The following NCKAP5 variants were observed in gnomAD, a reference collection of about 807,000 sequenced individuals.
NCKAP5 encodes nck-associated protein 5.
In NCKAP5, 92 loss-of-function variants were observed where a neutral mutation model predicts 167.0. The observed-to-expected ratio is 0.55, with a 90% CI of 0.47 to 0.66. NCKAP5 has a LOEUF of 0.66. Among genes scored for constraint, NCKAP5 ranks in the 30% least tolerant of loss-of-function variants. NCKAP5 has a pLI of 0.00. For missense variants in NCKAP5, 2,378 were observed against 2,315.0 expected (o/e 1.03, Z -0.56); for synonymous variants, 891 against 877.4 (o/e 1.02, Z -0.27).
At chr2:132,905,450 A>G (rs532686550) in intron 8 of NCKAP5, among the ~76,000 whole-genome samples, 2 of 152,180 alleles carry the variant, frequency 1.3e-5, no homozygotes, top group Non-Finnish European at 2.9e-5. Context: ...ATTGTTCTAC[A>G]TGAACTATAG....
chr2:133,359,968 A>G (rs1276515321), intron 3 of NCKAP5, among the ~76,000 whole-genome samples: 1 of 152,210 alleles, frequency 6.6e-6, no homozygotes, highest in Non-Finnish European at 1.5e-5. Context: ...GTCAAAGGCA[A>G]TTCAGACTAA....
chr2:133,256,253 T>C (rs2088612989), intron 4 of NCKAP5, among the ~76,000 whole-genome samples: 2 of 152,124 alleles, frequency 1.3e-5, no homozygotes, highest in South Asian at 4.1e-4. Context: ...ATTGAACAAA[T>C]AGGAGCCTTA....
chr2:133,642,951 T>G, the NCKAP5 span, among the ~76,000 whole-genome samples: 2 of 152,194 alleles, frequency 1.3e-5, no homozygotes, highest in African/African-American at 2.4e-5. Context: ...TAGATTACTT[T>G]GAGGAAGAAT....
At chr2:133,009,044 G>A (rs77160757) in intron 6 of NCKAP5, among the ~76,000 whole-genome samples, 1,628 of 152,236 alleles carry the variant, frequency 0.011, 29 homozygotes, top group African/African-American at 0.037. Context: ...CCTTAGTCCT[G>A]AAATATGTTT....
intron 19 of NCKAP5, among the ~76,000 whole-genome samples, chr2:132,696,008 C>T (rs1264092005): frequency 6.6e-6 from 1 of 152,048 alleles, no homozygotes; most frequent in Non-Finnish European, 1.5e-5. Flanking sequence ...TTGGCTTCAC[C>T]CAACACAAGG....
intron 9 of NCKAP5, among the ~76,000 whole-genome samples, chr2:132,870,484 T>C (rs374977167): frequency 2.0e-4 from 30 of 152,206 alleles, no homozygotes; most frequent in African/African-American, 7.0e-4. Context: ...TTATCCAATA[T>C]AAATTTTCTG....
chr2:132,833,058 A>T (rs1687630849), intron 11 of NCKAP5, among the ~76,000 whole-genome samples: 1 of 152,042 alleles, frequency 6.6e-6, no homozygotes, highest in African/African-American at 2.4e-5. Context: ...TGCCTTATTA[A>T]TAATAGTAAC....
chr2:133,077,465 A>C (rs1331076562), intron 6 of NCKAP5, among the ~76,000 whole-genome samples: 1 of 152,194 alleles, frequency 6.6e-6, no homozygotes, highest in Non-Finnish European at 1.5e-5. Flanking sequence ...GTCATTTCAC[A>C]ACTTCACATG....
At chr2:133,672,627 C>T in the NCKAP5 span, among the ~76,000 whole-genome samples, 30 of 152,222 alleles carry the variant, frequency 2.0e-4, no homozygotes, top group Non-Finnish European at 3.7e-4. Context: ...TTTTCAGGGC[C>T]ATAGAGTCTC....
chr2:133,267,568 A>G (rs2089303934), intron 4 of NCKAP5: 1 of 152,218 alleles, frequency 6.6e-6, no homozygotes, highest in Non-Finnish European at 1.5e-5. Context: ...TCCTGTTGGC[A>G]TTTCCAGAGA....
At chr2:133,005,394 G>T (rs138080260) in intron 6 of NCKAP5, among the ~76,000 whole-genome samples, 1 of 152,050 alleles carries the variant, frequency 6.6e-6, no homozygotes, top group African/African-American at 2.4e-5. Flanking sequence ...CCCTGATCCC[G>T]CAACAATTAT....
chr2:133,429,327 T>C (rs1471577265), intron 3 of NCKAP5, among the ~76,000 whole-genome samples: 2 of 152,132 alleles, frequency 1.3e-5, no homozygotes, highest in Non-Finnish European at 1.5e-5. Context: ...TTTGGATTCA[T>C]GCAGTACATG....
intron 16 of NCKAP5, among the ~76,000 whole-genome samples, chr2:132,769,237 T>C (rs1376780262): frequency 6.6e-6 from 1 of 152,136 alleles, no homozygotes; most frequent in Non-Finnish European, 1.5e-5. Flanking sequence ...GATCAGCCAC[T>C]ACGCCGGGCC....
chr2:133,073,999 C>G (rs2080510700), intron 6 of NCKAP5, among the ~76,000 whole-genome samples: 1 of 152,138 alleles, frequency 6.6e-6, no homozygotes, highest in Admixed American at 6.5e-5. Flanking sequence ...CTTCCCAAAA[C>G]CTTACCAGTG....
intron 8 of NCKAP5, among the ~76,000 whole-genome samples, chr2:132,900,933 T>C (rs1027901925): frequency 1.7e-5 from 2 of 118,854 alleles, no homozygotes; most frequent in Non-Finnish European, 3.2e-5. Flanking sequence ...GTCACTGCAC[T>C]CCAGACCGGG....
intron 3 of NCKAP5, among the ~76,000 whole-genome samples, chr2:133,322,434 A>C (rs1184775755): frequency 6.6e-6 from 1 of 152,304 alleles, no homozygotes; most frequent in East Asian, 1.9e-4. Flanking sequence ...TTTACATGAT[A>C]CTTTATTTTC....
chr2:133,015,235 T>C (rs1346200040), intron 6 of NCKAP5, among the ~76,000 whole-genome samples: 2 of 152,170 alleles, frequency 1.3e-5, no homozygotes, highest in African/African-American at 2.4e-5. Context: ...CATGAAGAAA[T>C]GTGCTGCTTA....
intron 4 of NCKAP5, among the ~76,000 whole-genome samples, chr2:133,294,034 A>G (rs1370983573): frequency 6.6e-6 from 1 of 152,200 alleles, no homozygotes; most frequent in East Asian, 1.9e-4. Flanking sequence ...GCTGTTATTG[A>G]GTTGGCATAG....
At chr2:132,788,612 T>C (rs1406672263) in intron 13 of NCKAP5, among the ~76,000 whole-genome samples, 2 of 152,152 alleles carry the variant, frequency 1.3e-5, no homozygotes, top group Non-Finnish European at 2.9e-5. Flanking sequence ...CTAAGGCTTC[T>C]GAAGTCCTTA....
Sources: allele counts gnomAD v4.1 joint callset (sites outside exome capture counted in the v4.1 genomes callset), GRCh38; gene constraint gnomAD v4.1.1; transcripts MANE v1.5; gene names NCBI Gene and HGNC (gene_info 2026-07-23, HGNC 2026-07-21).